Variants in BMP5 observed in about 807,000 individuals in gnomAD.
BMP5 encodes the protein bone morphogenetic protein 5.
BMP5 carries 23 observed loss-of-function variants against 46.6 expected under a neutral mutation model. That is an observed-to-expected ratio of 0.49 (90% CI 0.35 to 0.70). The LOEUF (loss-of-function observed/expected upper bound fraction) is 0.70, where lower values mean the gene tolerates loss of function less well. Ranked by LOEUF, BMP5 falls within the 30% of genes least tolerant of loss-of-function variation. The pLI is 0.00. For synonymous variants in BMP5, 204 were observed against 191.9 expected, an observed-to-expected ratio of 1.06 and a Z score of -0.52; for missense variants, 545 against 565.6, an observed-to-expected ratio of 0.96 and a Z score of 0.37.
At position 55,826,108 on chromosome 6, in the gene BMP5, T is replaced by G. The variant is rs949802225; in HGVS notation, c.491-6261A>C. 2.0e-5 allele frequency among the ~76,000 whole-genome samples: 3 copies of G among 151,802 alleles called. No homozygotes were observed. The Admixed American group carries it at 2.0e-4, about 10-fold the overall frequency. ...AGTTCTATAAAGACTTATTTATTGG[T>G]CAGTGAAAGAATATGTACATGTTTT... On this transcript the variant is annotated intron_variant, in intron 1 of 6. Coordinates refer to ENST00000370830, the MANE Select transcript of BMP5 (RefSeq NM_021073.4).
At chr6:55,814,254 A>C (rs971499510) in intron 2 of BMP5, among the ~76,000 whole-genome samples, 3 of 152,124 alleles carry the variant, frequency 2.0e-5, no homozygotes, top group African/African-American at 7.2e-5. Flanking sequence ...AGGTGTCAGA[A>C]AACTGTACCT....
rs541373411 is a variant in BMP5, at chr6:55,840,954, C to T, written c.491-21107G>A. 5.1e-3 allele frequency among the ~76,000 whole-genome samples: 618 copies of T among 121,812 alleles called. 2 individuals are homozygous for T. The highest frequency in any genetic ancestry group is 0.013 in the Middle Eastern group (3 of 236). The allele number at this position is 121,812 out of a possible 152,430, so 79.9% of individuals were successfully genotyped here. On this transcript the variant is annotated intron_variant, in intron 1 of 6. Transcript: ENST00000370830. The stretch of plus-strand genomic sequence containing the variant: ...GGTGGCCTGTAGGAACCAGGCCGCA[C>T]AGCAGGAGAGGAGGTAAGCAGTGGG...
chr6:55,840,479 A>G, intron 1 of BMP5, among the ~76,000 whole-genome samples: 1 of 152,106 alleles, frequency 6.6e-6, no homozygotes. Context: ...TTTCCAATAT[A>G]ATGTTAACTG....
At chr6:55,809,500 G>T (rs752390185) in intron 2 of BMP5, among the ~76,000 whole-genome samples, 4 of 151,948 alleles carry the variant, frequency 2.6e-5, no homozygotes, top group African/African-American at 4.8e-5. Context: ...TAAAAAATAA[G>T]TAAAATCATT....
chr6:55,813,703 C>G (rs2127536225), intron 2 of BMP5, among the ~76,000 whole-genome samples: 1 of 150,628 alleles, frequency 6.6e-6, no homozygotes, highest in Admixed American at 6.6e-5. Context: ...AGGAGAACAG[C>G]GTGAACCAGG....
At chr6:55,807,679 C>T (rs1182400853) in intron 2 of BMP5, among the ~76,000 whole-genome samples, 3 of 152,052 alleles carry the variant, frequency 2.0e-5, no homozygotes, top group African/African-American at 7.3e-5. Context: ...GGCTGTTAAT[C>T]GATCTGGTCC....
chr6:55,844,275 C>T (rs1469596448), intron 1 of BMP5, among the ~76,000 whole-genome samples: 1 of 152,014 alleles, frequency 6.6e-6, no homozygotes, highest in African/African-American at 2.4e-5. Context: ...GTGCTGCTGT[C>T]ATCATGCCTC....
intron 1 of BMP5, among the ~76,000 whole-genome samples, chr6:55,872,334 C>T (rs1462908985): frequency 6.6e-6 from 1 of 151,604 alleles, no homozygotes; most frequent in Non-Finnish European, 1.5e-5. Flanking sequence ...GAATATAAAG[C>T]ACTACTCAGA....
intron 3 of BMP5, among the ~76,000 whole-genome samples, chr6:55,780,312 T>C (rs577525995): frequency 3.3e-4 from 50 of 150,078 alleles, no homozygotes; most frequent in Middle Eastern, 3.4e-3. Flanking sequence ...GAGTTGAGAG[T>C]TTTCTGTGGA....
In BMP5 at chr6:55,819,692, T is replaced by C. The variant is rs1002901922; in HGVS notation, c.646A>G (p.Ile216Val). ...NNRFENETIK[I>V]SIYQIIKEYT... ...TCCTTGATGATTTGATATATGCTAATCTTAATTGTTTCATTTTCAAATCGG... is the reference window on the plus strand; with the variant it reads ...TCCTTGATGATTTGATATATGCTAACCTTAATTGTTTCATTTTCAAATCGG... The change falls in exon 2 of 7, where the codon ATT becomes GTT. Residue 216 changes from isoleucine to valine, a missense_variant. Coordinates refer to ENST00000370830, the MANE Select transcript of BMP5 (RefSeq NM_021073.4). 15 of 1,613,640 alleles carry C rather than the reference T, an allele frequency of 9.3e-6. No individual in the cohort carries two copies. Among genetic ancestry groups the C allele is most frequent in the Non-Finnish European group, 1.3e-5 (15 of 1,179,698 alleles).
At chr6:55,801,744 A>G (rs1461194618) in intron 2 of BMP5, among the ~76,000 whole-genome samples, 2 of 152,190 alleles carry the variant, frequency 1.3e-5, no homozygotes, top group Non-Finnish European at 2.9e-5. Flanking sequence ...TCTCTCTGGA[A>G]AGGGTGCTCT....
chr6:55,861,409 T>C (rs1562076049), intron 1 of BMP5, among the ~76,000 whole-genome samples: 1 of 152,240 alleles, frequency 6.6e-6, no homozygotes, highest in Non-Finnish European at 1.5e-5. Context: ...GGCCTATTAC[T>C]ATTTGCAACT....
chr6:55,803,144 G>T (rs1775891140), intron 2 of BMP5, among the ~76,000 whole-genome samples: 1 of 138,910 alleles, frequency 7.2e-6, no homozygotes, highest in Non-Finnish European at 1.6e-5. Flanking sequence ...AAATTAGCTG[G>T]GGTGGGGGGG....
intron 4 of BMP5, among the ~76,000 whole-genome samples, chr6:55,773,761 C>G (rs952319692): frequency 1.2e-4 from 18 of 151,854 alleles, no homozygotes; most frequent in Non-Finnish European, 2.5e-4. Flanking sequence ...TCATGTAGCT[C>G]AGTTCTGGCT....
At chr6:55,861,076 A>G (rs746280834) in intron 1 of BMP5, among the ~76,000 whole-genome samples, 24 of 152,214 alleles carry the variant, frequency 1.6e-4, no homozygotes, top group Non-Finnish European at 2.5e-4. Flanking sequence ...ATTAAATATT[A>G]TCTAGAACAC....
intron 2 of BMP5, among the ~76,000 whole-genome samples, chr6:55,814,843 A>T (rs1228028614): frequency 6.6e-6 from 1 of 152,192 alleles, no homozygotes; most frequent in East Asian, 1.9e-4. Context: ...ATAAAATTGA[A>T]ATATGGCCAA....
intron 1 of BMP5, among the ~76,000 whole-genome samples, chr6:55,862,589 T>C (rs1348752420): frequency 6.6e-6 from 1 of 152,182 alleles, no homozygotes; most frequent in Non-Finnish European, 1.5e-5. Context: ...CTCCAACAAC[T>C]TAATTTTGAA....
intron 2 of BMP5, among the ~76,000 whole-genome samples, chr6:55,814,832 T>A (rs1193504832): frequency 6.6e-6 from 1 of 152,282 alleles, no homozygotes; most frequent in East Asian, 1.9e-4. Flanking sequence ...ATCAACAGTA[T>A]ATAAAATTGA....
intron 4 of BMP5, among the ~76,000 whole-genome samples, chr6:55,765,092 T>C (rs1774888715): frequency 6.6e-6 from 1 of 152,104 alleles, no homozygotes; most frequent in Non-Finnish European, 1.5e-5. Flanking sequence ...TTATTATGTA[T>C]CAATAAAAAC....
Sources: allele counts gnomAD v4.1 joint callset (sites outside exome capture counted in the v4.1 genomes callset), GRCh38; gene constraint gnomAD v4.1.1; transcripts MANE v1.5; gene names NCBI Gene and HGNC (gene_info 2026-07-23, HGNC 2026-07-21).